The following ZNF292 variants were observed in gnomAD, a reference collection of about 807,000 sequenced individuals.
ZNF292 encodes zinc finger protein 292.
Under a neutral mutation model 217.9 loss-of-function variants are expected in ZNF292, and 26 were observed. The observed-to-expected ratio is 0.12, with a 90% CI of 0.09 to 0.17. The LOEUF (loss-of-function observed/expected upper bound fraction) is 0.17. Ranked by LOEUF, ZNF292 falls within the 10% of genes least tolerant of loss-of-function variation. ZNF292 has a pLI of 1.00. For missense variants in ZNF292, 2,904 were observed against 3,175.2 expected (o/e 0.91, Z 2.05); for synonymous variants, 1,257 against 1,124.1 (o/e 1.12, Z -2.37).
At position 87,198,032 on chromosome 6, in the gene ZNF292, G is replaced by A. The variant is rs7776444; in HGVS notation, c.169-17871G>A. On this transcript the variant is annotated intron_variant, in intron 1 of 7. Coordinates refer to ENST00000369577, the MANE Select transcript of ZNF292 (RefSeq NM_015021.3). ...AGCAATGTTTAATAGATACTGATTG[G>A]TATTTTCTTTTTCATCAGTTTCAAA... Among the ~76,000 whole-genome samples the A allele has an allele frequency of 9.4e-3, 1,434 of 152,060 alleles. 19 individuals are homozygous for A. Among genetic ancestry groups the A allele is most frequent in the African/African-American group, 0.033 (1,349 of 41,468 alleles).
chr6:87,250,436 A>C (rs1774867179), intron 7 of ZNF292, among the ~76,000 whole-genome samples: 2 of 152,142 alleles, frequency 1.3e-5, no homozygotes, highest in Non-Finnish European at 2.9e-5. Context: ...TGACAAAGTG[A>C]GACCCTGTCT....
At position 87,256,319 on chromosome 6, in the gene ZNF292, C is replaced by T. The variant is rs76661125; in HGVS notation, c.2690C>T (p.Ser897Leu). 2.2e-3 allele frequency: 3,506 copies of T among 1,613,152 alleles called. 54 individuals are homozygous for T. The African/African-American group carries it at 0.037, about 17-fold the overall frequency. Residue 897 changes from serine (S) to leucine (L), a missense_variant, in exon 8 of 8, where the codon TCA (serine) becomes TTA (leucine). Physicochemically the swap from Ser to Leu is moderately radical, Grantham distance 145. Around this residue, in one of 15 missense-constraint regions of ZNF292, gnomAD observed 687 missense variants for 623.0 expected, o/e 1.10. Transcript: ENST00000369577. ...GCTTGGGATAAAAGCAAAGCAGAAT[C>T]AGCTGTGACCAAACAAGACCAGATT... ...SDAWDKSKAESAVTKQDQISA... is the reference protein window; with the variant it reads ...SDAWDKSKAELAVTKQDQISA...
At chr6:87,165,582 A>G (rs1022773494) in intron 1 of ZNF292, among the ~76,000 whole-genome samples, 3 of 152,122 alleles carry the variant, frequency 2.0e-5, no homozygotes, top group Non-Finnish European at 4.4e-5. Context: ...TAATCCACCA[A>G]TAGGTCATAA....
chr6:87,190,799 ACAT>A (rs1771800254), intron 1 of ZNF292, among the ~76,000 whole-genome samples: 1 of 152,138 alleles, frequency 6.6e-6, no homozygotes, highest in Non-Finnish European at 1.5e-5. Context: ...TAGTTAATAA[ACAT>A]CTTTGAAGCT....
At position 87,257,866 on chromosome 6, in the gene ZNF292, C is replaced by G. The variant is rs200908062; in HGVS notation, c.4237C>G (p.Leu1413Val). 108 of 1,613,768 alleles carry G rather than the reference C, an allele frequency of 6.7e-5. No homozygotes were observed. The highest frequency in any genetic ancestry group is 8.7e-5 in the Non-Finnish European group (103 of 1,179,824). The change falls in exon 8 of 8, where the codon CTA (leucine) becomes GTA (valine). Residue 1413 changes from leucine to valine, a missense_variant. Physicochemically the swap from Leu to Val is conservative, Grantham distance 32. Around this residue, in one of 15 missense-constraint regions of ZNF292, gnomAD observed 622 missense variants for 573.1 expected, o/e 1.09. Transcript: ENST00000369577. The part of the protein sequence containing the change: ...LDGAEIAQEL[L>V]QSNGQPSLLA... ...TGGAGCCGAAATTGCTCAAGAACTT[C>G]TACAGAGTAATGGACAGCCTTCTCT...
chr6:87,159,495 C>CTTTTTTTTTTTTTTTTTTTTT (rs772140637), intron 1 of ZNF292, among the ~76,000 whole-genome samples: 1 of 124,480 alleles, frequency 8.0e-6, no homozygotes. Flanking sequence ...TCTTTTCTTT[C>CTTTTTTTTTTTTTTTTTTTTT]TTTTTTTTTT....
At position 87,233,547 on chromosome 6, in the gene ZNF292, T is replaced by C. The variant is rs761920173; in HGVS notation, c.741+20T>C. On this transcript the variant is annotated intron_variant, in intron 5 of 7. Transcript: ENST00000369577. ...GAAGAGGTGAGTATGTTTTCTTTCA[T>C]TAGTAATTATTTTTTAAGTTGAGAA... 2.2e-5 allele frequency: 34 copies of C among 1,574,350 alleles called. No individual in the cohort carries two copies. The highest frequency in any genetic ancestry group is 2.8e-5 in the Non-Finnish European group (32 of 1,160,132).
chr6:87,210,996 T>C (rs144087301), intron 1 of ZNF292, among the ~76,000 whole-genome samples: 81 of 152,308 alleles, frequency 5.3e-4, no homozygotes, highest in African/African-American at 1.9e-3. Context: ...AGAAACTAAT[T>C]CAAATACTTT....
In ZNF292 at chr6:87,261,209, C is replaced by T; in HGVS notation, c.7580C>T (p.Ala2527Val). The T allele has an allele frequency of 6.2e-7, 1 of 1,610,556 alleles. No homozygotes were observed. Among genetic ancestry groups the T allele is most frequent in the Non-Finnish European group, 8.5e-7 (1 of 1,178,948 alleles). Residue 2527 changes from alanine (A) to valine (V), a missense_variant, in exon 8 of 8, where the codon GCA becomes GTA. Physicochemically the swap from Ala to Val is moderately conservative, Grantham distance 64. This residue lies in a region of ZNF292 where 380 missense variants were observed against 355.3 expected (regional missense o/e 1.07). Transcript: ENST00000369577. Reference sequence around the variant, plus strand: ...CTCTGCCAGTCAGAAAGACAAAAAGCAAGTAATTTGAAGAGAGTTAATAAG... The same window carrying T: ...CTCTGCCAGTCAGAAAGACAAAAAGTAAGTAATTTGAAGAGAGTTAATAAG... ...DNLCQSERQK[A>V]SNLKRVNKEK...
At position 87,263,308 on chromosome 6, in the gene ZNF292, T is replaced by A. The variant is rs1352429773; in HGVS notation, c.*1507T>A. ...GCCGTAAATAGTAACATTGTTTTTT[T>A]TTATTTTGTGTTTGTTATAAAACAG... On this transcript the variant is annotated 3_prime_UTR_variant, in exon 8 of 8. Transcript: ENST00000369577. The A allele has an allele frequency of 6.6e-6, 1 of 152,086 alleles. No homozygotes were observed. The highest frequency in any genetic ancestry group is 2.4e-5 in the African/African-American group (1 of 41,454). The allele number at this position is 152,086 out of a possible 1,614,324, so 9.4% of individuals were successfully genotyped here. A position where few individuals can be genotyped will look rare whatever the true frequency, so the allele number is the denominator to read the frequency against.
intron 1 of ZNF292, among the ~76,000 whole-genome samples, chr6:87,160,489 A>ATGTGTGTGTGTG (rs1296663738): frequency 1.0e-5 from 1 of 98,694 alleles, no homozygotes; most frequent in African/African-American, 2.9e-5. Flanking sequence ...GTTTGTATAT[A>ATGTGTGTGTGTG]TATGTGTGTG....
At chr6:87,176,429 G>C (rs1463528596) in intron 1 of ZNF292, among the ~76,000 whole-genome samples, 1 of 152,138 alleles carries the variant, frequency 6.6e-6, no homozygotes, top group Non-Finnish European at 1.5e-5. Flanking sequence ...CTTTCCTCAG[G>C]GAATAGCGAG....
At chr6:87,220,745 G>A (rs1289980556) in intron 4 of ZNF292, among the ~76,000 whole-genome samples, 1 of 152,168 alleles carries the variant, frequency 6.6e-6, no homozygotes, top group Non-Finnish European at 1.5e-5. Context: ...GTTAACCAAT[G>A]TCTCTGCCCA....
At chr6:87,202,177 C>T (rs1435244838) in intron 1 of ZNF292, among the ~76,000 whole-genome samples, 3 of 152,148 alleles carry the variant, frequency 2.0e-5, no homozygotes, top group African/African-American at 2.4e-5. Flanking sequence ...TTGTCTTCCA[C>T]TATCTATGTA....
At position 87,243,960 on chromosome 6, in the gene ZNF292, G is replaced by A. The variant is rs142609813; in HGVS notation, c.878+349G>A. Among the ~76,000 whole-genome samples the A allele has an allele frequency of 3.6e-3, 551 of 152,176 alleles. 2 individuals carry two copies. The highest frequency in any genetic ancestry group is 0.013 in the African/African-American group (530 of 41,522). ...CTTTTTATGGTACATTTTCAGTTGG[G>A]CATAGCTTGTTATATGTAATCCTTT... On this transcript the variant is annotated intron_variant, in intron 6 of 7. Coordinates refer to ENST00000369577, the MANE Select transcript of ZNF292 (RefSeq NM_015021.3).
chr6:87,215,190 TCTCC>T (rs1772682030), intron 1 of ZNF292: 2 of 151,770 alleles, frequency 1.3e-5, no homozygotes, highest in East Asian at 3.9e-4. Context: ...CTTTCCATTA[TCTCC>T]CATCTCTTAT....
chr6:87,201,518 C>A (rs947377984), intron 1 of ZNF292, among the ~76,000 whole-genome samples: 1 of 152,186 alleles, frequency 6.6e-6, no homozygotes, highest in South Asian at 2.1e-4. Context: ...GATTCTCCTG[C>A]CTCAGCTTCC....
At position 87,259,771 on chromosome 6, in the gene ZNF292, A is replaced by G. The variant is rs767472678; in HGVS notation, c.6142A>G (p.Lys2048Glu). Reference sequence around the variant, plus strand: ...CCCAGAAAAACAACTTGTAGAAAAAAAAAGTCCTGACAAAACAGAAAGTTC... The same window carrying G: ...CCCAGAAAAACAACTTGTAGAAAAAGAAAGTCCTGACAAAACAGAAAGTTC... Reference protein sequence around the residue: ...VIPEKQLVEKKSPDKTESSLQ... With the variant: ...VIPEKQLVEKESPDKTESSLQ... The change falls in exon 8 of 8, where the codon AAA (lysine) becomes GAA (glutamate). Residue 2048 changes from lysine (K) to glutamate (E), a missense_variant. Lys to Glu is a moderately conservative substitution (Grantham distance 56, BLOSUM62 1). Coordinates refer to ENST00000369577, the MANE Select transcript of ZNF292 (RefSeq NM_015021.3). 2.5e-6 allele frequency: 4 copies of G among 1,602,744 alleles called. No homozygotes were observed. The Admixed American group carries it at 5.2e-5, about 21-fold the overall frequency.
At chr6:87,235,493 ACTAT>A (rs1403982401) in intron 5 of ZNF292, among the ~76,000 whole-genome samples, 1 of 151,902 alleles carries the variant, frequency 6.6e-6, no homozygotes, top group African/African-American at 2.4e-5. Flanking sequence ...TAGGAAACTG[ACTAT>A]CTAAGCATAG....
Sources: allele counts gnomAD v4.1 joint callset (sites outside exome capture counted in the v4.1 genomes callset), GRCh38; gene constraint gnomAD v4.1.1; regional missense constraint gnomAD v4.1.1; transcripts MANE v1.5; gene names NCBI Gene and HGNC (gene_info 2026-07-23, HGNC 2026-07-21).